RALGAPA2: variants seen among roughly 807,000 people sequenced by gnomAD.
RALGAPA2 encodes the protein Ral GTPase activating protein catalytic subunit alpha 2.
Under a neutral mutation model 230.4 loss-of-function variants are expected in RALGAPA2, and 139 were observed. The observed-to-expected ratio is 0.60, with a 90% confidence interval of 0.53 to 0.69. The LOEUF (loss-of-function observed/expected upper bound fraction) is 0.69. Ranked by LOEUF, RALGAPA2 falls within the 30% of genes least tolerant of loss-of-function variation. The pLI is 0.00. For synonymous variants in RALGAPA2, 847 were observed against 837.8 expected, an observed-to-expected ratio of 1.01 and a Z score of -0.19; for missense variants, 2,163 against 2,276.0, an observed-to-expected ratio of 0.95 and a Z score of 1.01.
chr20:20,675,828 T>A (rs553625264), intron 3 of RALGAPA2, among the ~76,000 whole-genome samples: 1 of 152,172 alleles, frequency 6.6e-6, no homozygotes, highest in East Asian at 1.9e-4. Flanking sequence ...AATGTTAGAG[T>A]ATAGGAAATT....
At chr20:20,495,722 C>A (rs1015838713) in intron 35 of RALGAPA2, among the ~76,000 whole-genome samples, 16 of 152,126 alleles carry the variant, frequency 1.1e-4, no homozygotes, top group African/African-American at 3.9e-4. Context: ...ACATAAGCCA[C>A]TACAACACAA....
In RALGAPA2 at chr20:20,662,749, G is replaced by A. The variant is rs74437523; in HGVS notation, c.271-9162C>T. Among the ~76,000 whole-genome samples, 229 of 152,260 alleles carry A rather than the reference G, an allele frequency of 1.5e-3. 4 individuals are homozygous for A. In the East Asian group the frequency reaches 0.021, roughly 14 times the overall value. On this transcript the variant is annotated intron_variant, in intron 3 of 39. Coordinates refer to ENST00000202677, the MANE Select transcript of RALGAPA2 (RefSeq NM_020343.4). The stretch of plus-strand genomic sequence containing the variant: ...AAAAGACACCATTCCTGCTCTAAAA[G>A]TTAGAGCCCTAAGAGGGAAAAGGTG...
At chr20:20,429,847 C>G (rs1157959220) in intron 37 of RALGAPA2, among the ~76,000 whole-genome samples, 6 of 152,162 alleles carry the variant, frequency 3.9e-5, no homozygotes, top group African/African-American at 1.2e-4. Flanking sequence ...AGGGGGTGAA[C>G]CATTTCTGAT....
chr20:20,495,078 T>C (rs1393318624), intron 36 of RALGAPA2, 39 bp downstream of exon 36: 18 of 1,498,828 alleles, frequency 1.2e-5, no homozygotes, highest in Non-Finnish European at 1.6e-5. Context: ...ACATGGCAAA[T>C]GCTTTATGAG....
intron 4 of RALGAPA2, among the ~76,000 whole-genome samples, chr20:20,644,681 T>TC (rs1169868662): frequency 2.0e-5 from 3 of 152,172 alleles, no homozygotes; most frequent in Non-Finnish European, 4.4e-5. Flanking sequence ...TGTCTCCCCT[T>TC]CCCCAACTTC....
intron 23 of RALGAPA2, among the ~76,000 whole-genome samples, chr20:20,555,203 T>C (rs1006992478): frequency 2.0e-5 from 3 of 152,234 alleles, no homozygotes; most frequent in Admixed American, 6.5e-5. Flanking sequence ...GAATTGTCTT[T>C]GCACCCTTGT....
intron 37 of RALGAPA2, among the ~76,000 whole-genome samples, chr20:20,435,822 A>C (rs1424883384): frequency 1.3e-5 from 2 of 152,238 alleles, no homozygotes; most frequent in Non-Finnish European, 2.9e-5. Flanking sequence ...CAGGAACTGC[A>C]CTAGATCTAT....
intron 4 of RALGAPA2, among the ~76,000 whole-genome samples, chr20:20,649,193 C>T (rs2067314392): frequency 6.6e-6 from 1 of 152,134 alleles, no homozygotes; most frequent in African/African-American, 2.4e-5. Flanking sequence ...CTGTGATGCA[C>T]TTCTGAGGGA....
intron 12 of RALGAPA2, among the ~76,000 whole-genome samples, chr20:20,616,575 G>A (rs1187879277): frequency 6.6e-6 from 1 of 152,102 alleles, no homozygotes; most frequent in African/African-American, 2.4e-5. Context: ...TGTAGAGGGG[G>A]AATGGGAGGA....
chr20:20,630,548 C>T (rs1423716316), intron 9 of RALGAPA2, among the ~76,000 whole-genome samples: 1 of 152,166 alleles, frequency 6.6e-6, no homozygotes, highest in Non-Finnish European at 1.5e-5. Flanking sequence ...GCCTGTGTGG[C>T]TTATGAAAGG....
At chr20:20,590,859 T>C (rs998582092) in intron 17 of RALGAPA2, among the ~76,000 whole-genome samples, 1 of 152,154 alleles carries the variant, frequency 6.6e-6, no homozygotes, top group Non-Finnish European at 1.5e-5. Flanking sequence ...CTTGATGCCC[T>C]ACTTGACTTC....
rs1395456592 is a variant in RALGAPA2, at chr20:20,611,442, T to C, written c.1689-16A>G. On this transcript the variant is annotated splice_polypyrimidine_tract_variant and intron_variant, in intron 13 of 39. Transcript: ENST00000202677. ...CATCTGTTCCCTGGGCCACCCAAAA[T>C]AAAAGCTCATATTAATAATCATGTC... 2 of 1,607,548 alleles carry C rather than the reference T, an allele frequency of 1.2e-6. No individual in the cohort carries two copies. Among genetic ancestry groups the C allele is most frequent in the Non-Finnish European group, 1.7e-6 (2 of 1,176,936 alleles).
intron 37 of RALGAPA2, chr20:20,470,879 G>A (rs990890707): frequency 2.0e-5 from 3 of 152,068 alleles, no homozygotes; most frequent in African/African-American, 7.2e-5. Flanking sequence ...TTAAATGATT[G>A]CAAAGTTTTC....
chr20:20,445,295 G>C (rs1032649876), intron 37 of RALGAPA2, among the ~76,000 whole-genome samples: 8 of 152,170 alleles, frequency 5.3e-5, no homozygotes, highest in African/African-American at 1.9e-4. Context: ...CCTGAGTTTT[G>C]CAAGGAGATT....
intron 4 of RALGAPA2, 61 bp downstream of exon 4, chr20:20,653,469 C>T (rs2067480781): frequency 1.1e-6 from 1 of 906,200 alleles, no homozygotes; most frequent in East Asian, 2.7e-5. Context: ...TTATATAAAA[C>T]ATTACTGAAA....
At chr20:20,436,834 A>G (rs2060626112) in intron 37 of RALGAPA2, among the ~76,000 whole-genome samples, 1 of 152,248 alleles carries the variant, frequency 6.6e-6, no homozygotes, top group Non-Finnish European at 1.5e-5. Flanking sequence ...TTGACTGCCC[A>G]CTACGTCCTG....
At chr20:20,401,209 A>G (rs900354896) in intron 38 of RALGAPA2, among the ~76,000 whole-genome samples, 5 of 152,218 alleles carry the variant, frequency 3.3e-5, no homozygotes, top group Admixed American at 6.5e-5. Flanking sequence ...GGTTTTTAAA[A>G]TGGCAAAATG....
chr20:20,628,232 A>G (rs1332317485), intron 10 of RALGAPA2, among the ~76,000 whole-genome samples: 3 of 152,152 alleles, frequency 2.0e-5, no homozygotes, highest in Non-Finnish European at 4.4e-5. Flanking sequence ...GAGAGGGCCA[A>G]ACATTCACTA....
intron 36 of RALGAPA2, among the ~76,000 whole-genome samples, chr20:20,492,398 TCC>T (rs1211387604): frequency 3.9e-5 from 6 of 152,140 alleles, no homozygotes; most frequent in Non-Finnish European, 8.8e-5. Flanking sequence ...AAAGGAATAT[TCC>T]TTAACTTCAA....
Sources: gnomAD v4.1 joint callset for allele counts (sites outside exome capture counted in the v4.1 genomes callset) on GRCh38, gnomAD v4.1.1 for gene constraint, MANE v1.5 for transcripts, NCBI Gene and HGNC (gene_info 2026-07-23, HGNC 2026-07-21) for gene names.